The following OR10S1 variants were observed in gnomAD, a reference collection of about 807,000 sequenced individuals.
OR10S1 encodes the protein olfactory receptor 10S1.
For synonymous variants in OR10S1, 167 were observed against 164.1 expected (o/e 1.02, Z -0.13); for missense variants, 415 against 407.9 (o/e 1.02, Z -0.15).
At chr11:123,977,373 A>T (rs966820200) in exon 1 of OR10S1, 2 of 1,614,028 alleles carry the variant, frequency 1.2e-6, no homozygotes, top group Admixed American at 1.7e-5. Context: ...CCCTCAAAGG[A>T]GATCACCTTC....
In OR10S1 at chr11:123,977,643, G is replaced by T. The variant is rs1194891277; in HGVS notation, c.22C>A (p.Pro8Thr). Reference sequence around the variant, plus strand: ...AAGTGGCTCACCACAGTCTGGTTGGGGTTCTCCGTTGTCATGGTCATCTTC... The same window carrying T: ...AAGTGGCTCACCACAGTCTGGTTGGTGTTCTCCGTTGTCATGGTCATCTTC... The change falls in exon 1 of 1, where the codon CCC becomes ACC. Residue 8 changes from proline to threonine, a missense_variant. Transcript: ENST00000641123. The T allele has an allele frequency of 2.3e-5, 37 of 1,604,018 alleles. No individual in the cohort carries two copies. Among genetic ancestry groups the T allele is most frequent in the Non-Finnish European group, 3.0e-5 (35 of 1,179,954 alleles).
chr11:123,976,699 TG>T lies in OR10S1; in HGVS notation c.965del (p.Pro322HisfsTer?), dbSNP rs749281368. Reference sequence around the variant, plus strand: ...TTGTGAGTTTTGATAGCACAGACTATGGGGGTGGGCTGCCTGCTGTAGACTC... The same window carrying T: ...TTGTGAGTTTTGATAGCACAGACTATGGGGTGGGCTGCCTGCTGTAGACTC... On this transcript the variant is annotated frameshift_variant, in exon 1 of 1. Coordinates refer to ENST00000641123, the Ensembl canonical transcript of OR10S1. LOFTEE classifies it high-confidence loss of function. 1.9e-6 allele frequency: 3 copies of T among 1,606,404 alleles called. No individual in the cohort carries two copies. The highest frequency in any genetic ancestry group is 2.6e-6 in the Non-Finnish European group (3 of 1,176,260).
In OR10S1 at chr11:123,977,710, G is replaced by C. The variant is rs138853243; in HGVS notation, c.-46C>G. 6.3e-7 allele frequency: 1 copy of C among 1,587,988 alleles called. No individual in the cohort carries two copies. The highest frequency in any genetic ancestry group is 8.5e-7 in the Non-Finnish European group (1 of 1,172,232). ...TAGTCATCCCCTTTGCAACAAAACT[G>C]ACATTAATGGAATAAATAGCTGTAT... On this transcript the variant is annotated 5_prime_UTR_variant, in exon 1 of 1. An upstream open reading frame in the 5' UTR gains an earlier in-frame stop. Transcript: ENST00000641123.
In OR10S1 at chr11:123,977,491, G is replaced by A. The variant is rs928341913; in HGVS notation, c.174C>T (p.His58=). Reference sequence around the variant, plus strand: ...GGAAGTGGTACATGGGTAAGCTGAGGTGAGAGTCAGAGCCCACAGTTAGGA... The same window carrying A: ...GGAAGTGGTACATGGGTAAGCTGAGATGAGAGTCAGAGCCCACAGTTAGGA... The change falls in exon 1 of 1, where the codon CAC becomes CAT. Residue 58 remains histidine (H), a synonymous_variant. Coordinates refer to ENST00000641123, the Ensembl canonical transcript of OR10S1. The A allele has an allele frequency of 2.5e-6, 4 of 1,613,964 alleles. No homozygotes were observed. In the African/African-American group the frequency reaches 4.0e-5, roughly 16 times the overall value.
chr11:123,976,685 G>C (rs10893117), exon 1 of OR10S1: 494,895 of 1,579,108 alleles, frequency 0.31, 80,693 homozygotes, highest in Admixed American at 0.36. Context: ...TGTGAGTTTT[G>C]ATAGCACAGA....
exon 1 of OR10S1, chr11:123,977,769 C>A: frequency 1.5e-6 from 2 of 1,330,424 alleles, no homozygotes; most frequent in African/African-American, 1.4e-5. Flanking sequence ...CATCAAGCCA[C>A]ACCACCTTGG....
At chr11:123,977,091 G>A in exon 1 of OR10S1, 1 of 1,614,272 alleles carries the variant, frequency 6.2e-7, no homozygotes, top group Non-Finnish European at 8.5e-7. Flanking sequence ...GTACAGGCGA[G>A]CTTTAGGACA....
exon 1 of OR10S1, chr11:123,976,809 G>T: frequency 6.2e-7 from 1 of 1,614,202 alleles, no homozygotes; most frequent in Non-Finnish European, 8.5e-7. Context: ...TTGAGCATTG[G>T]AGTTACGATT....
chr11:123,977,293 G>C, exon 1 of OR10S1: 2 of 1,614,202 alleles, frequency 1.2e-6, no homozygotes, highest in Non-Finnish European at 1.7e-6. Flanking sequence ...AGCGGTCATA[G>C]GCCATGACTG....
At chr11:123,977,533 A>G in exon 1 of OR10S1, 1 of 1,614,040 alleles carries the variant, frequency 6.2e-7, no homozygotes, top group South Asian at 1.1e-5. Flanking sequence ...GGAGATTCCC[A>G]GCCACAGTGA....
chr11:123,976,961 G>A, exon 1 of OR10S1: 1 of 1,614,010 alleles, frequency 6.2e-7, no homozygotes, highest in Non-Finnish European at 8.5e-7. Flanking sequence ...GCCCTGGGCT[G>A]TGCGGATGCG....
exon 1 of OR10S1, chr11:123,976,807 T>A (rs1294880498): frequency 1.9e-6 from 3 of 1,614,020 alleles, no homozygotes; most frequent in Non-Finnish European, 2.5e-6. Flanking sequence ...GGTTGAGCAT[T>A]GGAGTTACGA....
chr11:123,976,724 T>G, exon 1 of OR10S1: 1 of 1,613,078 alleles, frequency 6.2e-7, no homozygotes, highest in Non-Finnish European at 8.5e-7. Context: ...TGCTGTAGAC[T>G]CTCGGAAGCT....
rs1863727161 is a variant in OR10S1, at chr11:123,977,100, CA to C, written c.564del (p.Val189SerfsTer2). ...GTGTCTGTACAGGCGAGCTTTAGGA[CA>C]GGGGGTATGTCGCAGAAGAAGTAGG... On this transcript the variant is annotated frameshift_variant, in exon 1 of 1. Transcript: ENST00000641123. LOFTEE classifies it low-confidence loss of function (END_TRUNC). 6.2e-7 allele frequency: 1 copy of C among 1,614,196 alleles called. No homozygotes were observed. The highest frequency in any genetic ancestry group is 8.5e-7 in the Non-Finnish European group (1 of 1,180,028).
chr11:123,977,019 G>C, exon 1 of OR10S1: 1 of 1,614,180 alleles, frequency 6.2e-7, no homozygotes, highest in East Asian at 2.2e-5. Context: ...ATGAGGATGA[G>C]GCAGCCTGCA....
chr11:123,977,671 A>C, exon 1 of OR10S1: 2 of 1,599,988 alleles, frequency 1.3e-6, no homozygotes, highest in Non-Finnish European at 1.7e-6. Context: ...TCATCTTCTC[A>C]CACACAGAGC....
exon 1 of OR10S1, chr11:123,976,857 T>A (rs148919390): frequency 3.1e-6 from 5 of 1,614,056 alleles, no homozygotes; most frequent in Non-Finnish European, 4.2e-6. Flanking sequence ...CCTGCCTCAC[T>A]GGAGCGAGGC....
At position 123,976,959 on chromosome 11, in the gene OR10S1, C is replaced by A. The variant is rs568220069; in HGVS notation, c.706G>T (p.Ala236Ser). Residue 236 changes from alanine (A) to serine (S), a missense_variant, in exon 1 of 1, where the codon GCC becomes TCC. By Grantham distance (99) the Ala-to-Ser change is moderately conservative. Transcript: ENST00000641123. ...GAGAAGGCCCGCTGCCGGCCCTGGGCTGTGCGGATGCGCAACACAGCTGCC... is the reference window on the plus strand; with the variant it reads ...GAGAAGGCCCGCTGCCGGCCCTGGGATGTGCGGATGCGCAACACAGCTGCC... 4 of 1,614,010 alleles carry A rather than the reference C, an allele frequency of 2.5e-6. No homozygotes were observed. The African/African-American group carries it at 4.0e-5, about 16-fold the overall frequency.
chr11:123,977,070 T>A, exon 1 of OR10S1: 1 of 1,614,178 alleles, frequency 6.2e-7, no homozygotes. Context: ...AGCTCATTAA[T>A]GGTGGTGTCT....
Sources: gnomAD v4.1 joint callset for allele counts on GRCh38, gnomAD v4.1.1 for gene constraint, MANE v1.5 for transcripts, NCBI Gene and HGNC (gene_info 2026-07-23, HGNC 2026-07-21) for gene names.